Variants in DIPK1A observed in about 807,000 individuals in gnomAD.
The protein encoded by DIPK1A is family with sequence similarity 69 member A.
A neutral mutation model predicts 40.8 loss-of-function variants in DIPK1A; 27 were observed. The ratio of observed to expected loss-of-function variants is 0.66; its 90% CI spans 0.49 to 0.91. The LOEUF is 0.91. DIPK1A is among the 40% of genes least tolerant of loss of function. The pLI, the probability that DIPK1A is intolerant of heterozygous loss-of-function variation, is 0.00. For missense variants in DIPK1A, 412 were observed against 505.7 expected, an observed-to-expected ratio of 0.81 and a Z score of 1.78; for synonymous variants, 166 against 171.3, an observed-to-expected ratio of 0.97 and a Z score of 0.24.
At chr1:92,886,021 T>C (rs1648581811) in intron 1 of DIPK1A, among the ~76,000 whole-genome samples, 1 of 152,156 alleles carries the variant, frequency 6.6e-6, no homozygotes, top group Non-Finnish European at 1.5e-5. Flanking sequence ...TTATATAGTG[T>C]TGATATATCT....
chr1:92,916,687 C>A (rs959123655), intron 1 of DIPK1A, among the ~76,000 whole-genome samples: 2 of 152,146 alleles, frequency 1.3e-5, no homozygotes, highest in South Asian at 4.1e-4. Context: ...TCTACAATCT[C>A]CCCCAGGAGG....
rs80136914 is a variant in DIPK1A, at chr1:92,833,837, A to G, written c.475-803T>C. On this transcript the variant is annotated intron_variant, in intron 4 of 4. Transcript: ENST00000615519. ...ACCTGGGAACTTGGTACTTTAAAAA[A>G]TGCTCTTGGTTGCGCTCATGCCTGT... The G allele has an allele frequency of 3.5e-3, 2,171 of 615,634 alleles. 65 individuals are homozygous for G. The East Asian group carries it at 0.053, about 15-fold the overall frequency. 38.1% of individuals were successfully genotyped at this position (615,634 alleles called of 1,614,324 possible). A position where few individuals can be genotyped will look rare whatever the true frequency, so the allele number is the denominator to read the frequency against.
rs562312304 is a variant in DIPK1A, at chr1:92,847,347, T to A, written c.310A>T (p.Ile104Phe). 10 of 1,604,808 alleles carry A rather than the reference T, an allele frequency of 6.2e-6. No homozygotes were observed. Among genetic ancestry groups the A allele is most frequent in the Non-Finnish European group, 8.5e-6 (10 of 1,175,764 alleles). Residue 104 changes from isoleucine to phenylalanine, a missense_variant, in exon 4 of 5, where the codon ATT becomes TTT. Ile to Phe is a conservative substitution (Grantham distance 21). Transcript: ENST00000370310. ...ACAACACCTGGTAGATTATCCCAAA[T>A]CCCTAAATACATCTATGTAAAAAAG... ...TKPNNQMYLG[I>F]WDNLPGVVKC...
At chr1:92,914,774 G>GAA (rs112356216) in intron 1 of DIPK1A, among the ~76,000 whole-genome samples, 29,197 of 129,408 alleles carry the variant, frequency 0.23, 3,422 homozygotes, top group Non-Finnish European at 0.28. Context: ...GTCTCAAAAA[G>GAA]AAAAAAAAAA....
chr1:92,837,382 G>A, downstream of DIPK1A: 1 of 1,272,556 alleles, frequency 7.9e-7, no homozygotes, highest in Non-Finnish European at 1.2e-6. Context: ...ACTGATGGCA[G>A]CTACTAAAGT....
chr1:92,852,138 A>T (rs1258634856), intron 2 of DIPK1A, among the ~76,000 whole-genome samples: 1 of 152,160 alleles, frequency 6.6e-6, no homozygotes, highest in Non-Finnish European at 1.5e-5. Context: ...CAAACAAGCA[A>T]AAGATCTATA....
At chr1:92,861,103 A>G (rs2100746905) in intron 2 of DIPK1A, among the ~76,000 whole-genome samples, 1 of 152,196 alleles carries the variant, frequency 6.6e-6, no homozygotes, top group Non-Finnish European at 1.5e-5. Context: ...GTGGAATAGA[A>G]ATGACAACGT....
intron 1 of DIPK1A, among the ~76,000 whole-genome samples, chr1:92,898,343 C>T (rs1388074181): frequency 6.6e-6 from 1 of 152,064 alleles, no homozygotes; most frequent in Non-Finnish European, 1.5e-5. Context: ...GAACTCAGAG[C>T]AATAACCCAC....
intron 1 of DIPK1A, among the ~76,000 whole-genome samples, chr1:92,900,311 C>CT (rs35224340): frequency 0.65 from 99,058 of 151,650 alleles, 32,807 homozygotes; most frequent in East Asian, 0.95. Flanking sequence ...TTCATTCTTA[C>CT]TTTTTTTTCC....
At chr1:92,958,132 TCTG>T (rs1487344672) in intron 1 of DIPK1A, among the ~76,000 whole-genome samples, 1 of 152,240 alleles carries the variant, frequency 6.6e-6, no homozygotes. Flanking sequence ...TAGAATCTCT[TCTG>T]CTATATAAGC....
downstream of DIPK1A, chr1:92,840,850 T>C: frequency 1.5e-6 from 1 of 685,856 alleles, no homozygotes. Flanking sequence ...CCTAGTACAG[T>C]CTAAGTACTG....
At position 92,836,164 on chromosome 1, in the gene DIPK1A, A is replaced by G. The variant is rs760448612; in HGVS notation, c.475-3130T>C. The G allele has an allele frequency of 1.9e-6, 3 of 1,596,966 alleles. No individual in the cohort carries two copies. In the South Asian group the frequency reaches 3.3e-5, roughly 18 times the overall value. On this transcript the variant is annotated intron_variant, in intron 4 of 4. Coordinates refer to the DIPK1A transcript ENST00000615519. ...TAGAGCAGTTTGAATAATTGAAACC[A>G]GCATTTACATTGGTTTCTTGAATAG... is the stretch of plus-strand genomic sequence containing the variant.
intron 1 of DIPK1A, among the ~76,000 whole-genome samples, chr1:92,900,031 TTTCTC>T (rs376200370): frequency 6.3e-4 from 83 of 132,798 alleles, no homozygotes; most frequent in African/African-American, 2.0e-3. Context: ...ACTTGACACT[TTTCTC>T]TTGGAGTTTT....
chr1:92,843,824 A>C lies in DIPK1A; in HGVS notation c.846T>G (p.Val282=), dbSNP rs758679883. 5.2e-6 allele frequency: 8 copies of C among 1,551,874 alleles called. No individual in the cohort carries two copies. The highest frequency in any genetic ancestry group is 4.4e-6 in the Non-Finnish European group (5 of 1,147,028). The part of the protein sequence containing the change: ...AIGLLEFVED[V]FHGPYGNFLM... ...GGAAATTTCCGTAGGGGCCATGGAAAACATCTTCCACAAATTCTAGAAGTC... is the reference window on the plus strand; with the variant it reads ...GGAAATTTCCGTAGGGGCCATGGAACACATCTTCCACAAATTCTAGAAGTC... The change falls in exon 5 of 5, where the codon GTT becomes GTG. Residue 282 remains valine, a synonymous_variant. Transcript: ENST00000370310.
downstream of DIPK1A, chr1:92,840,414 T>TA (rs1557443920): frequency 1.4e-6 from 1 of 710,192 alleles, no homozygotes. Context: ...ATTTAGAAGT[T>TA]AAAGTGTTTA....
At chr1:92,857,993 C>G (rs1488460697) in intron 2 of DIPK1A, among the ~76,000 whole-genome samples, 1 of 152,232 alleles carries the variant, frequency 6.6e-6, no homozygotes, top group African/African-American at 2.4e-5. Context: ...CAACTCACAA[C>G]AGGGCTAGGA....
chr1:92,914,564 T>C (rs1301214862), intron 1 of DIPK1A, among the ~76,000 whole-genome samples: 1 of 142,714 alleles, frequency 7.0e-6, no homozygotes, highest in Non-Finnish European at 1.5e-5. Context: ...AGGTCAAGAG[T>C]TCAAGACCAG....
intron 2 of DIPK1A, among the ~76,000 whole-genome samples, chr1:92,855,909 G>C (rs910422623): frequency 1.3e-5 from 2 of 151,802 alleles, no homozygotes; most frequent in African/African-American, 4.8e-5. Flanking sequence ...GCAAAACTTT[G>C]TATCTACAAA....
intron 2 of DIPK1A, among the ~76,000 whole-genome samples, chr1:92,861,952 G>C (rs1647297243): frequency 6.6e-6 from 1 of 152,044 alleles, no homozygotes; most frequent in Admixed American, 6.6e-5. Context: ...GCTAAGTTTT[G>C]TATTTTTTGT....
Sources: gnomAD v4.1 joint callset for allele counts (sites outside exome capture counted in the v4.1 genomes callset) on GRCh38, gnomAD v4.1.1 for gene constraint, MANE v1.5 for transcripts, NCBI Gene and HGNC (gene_info 2026-07-23, HGNC 2026-07-21) for gene names.